Variants in ZIC1 observed in about 807,000 individuals in gnomAD.
ZIC1 encodes zinc finger protein ZIC 1.
A neutral mutation model predicts 30.9 loss-of-function variants in ZIC1; 4 were observed. The observed-to-expected ratio is 0.13, with a 90% CI of 0.06 to 0.30. The LOEUF is 0.30. Among genes scored for constraint, ZIC1 ranks in the 10% least tolerant of loss-of-function variants. ZIC1 has a pLI of 1.00. For synonymous variants in ZIC1, 305 were observed against 277.5 expected, an observed-to-expected ratio of 1.10 and a Z score of -0.98; for missense variants, 441 against 639.3, an observed-to-expected ratio of 0.69 and a Z score of 3.34.
rs779510485 is a variant in ZIC1, at chr3:147,413,821, A to G, written c.*270A>G. 4.0e-4 allele frequency: 129 copies of G among 323,422 alleles called. No individual in the cohort carries two copies. The highest frequency in any genetic ancestry group is 5.5e-4 in the Non-Finnish European group (99 of 180,732). The allele number at this position is 323,422 out of a possible 1,614,324, so 20.0% of individuals were successfully genotyped here. A position where few individuals can be genotyped will look rare whatever the true frequency, so the allele number is the denominator to read the frequency against. ...GGGTCGAGGGGGAGGAGGCCACCTG[A>G]CCAAATGCCGCCAACCCCGAGGGCC... On this transcript the variant is annotated 3_prime_UTR_variant, in exon 3 of 3. Transcript: ENST00000282928.
At chr3:147,412,773 C>T in intron 2 of ZIC1, 92 bp downstream of exon 2, 9 of 1,498,504 alleles carry the variant, frequency 6.0e-6, no homozygotes, top group Admixed American at 2.0e-5. Flanking sequence ...CAGGCGGTGG[C>T]GGGAGCCAGA....
chr3:147,412,312 G>T (rs775043480), intron 1 of ZIC1, among the ~76,000 whole-genome samples: 3 of 152,118 alleles, frequency 2.0e-5, no homozygotes, highest in Non-Finnish European at 2.9e-5. Context: ...AGATCCAATT[G>T]TATTAGGGAT....
At position 147,409,819 on chromosome 3, in the gene ZIC1, C is replaced by T. The variant is rs2087346723; in HGVS notation, c.-294C>T. ...CGCGGCCCTCTCGGCAGAGACTGAG[C>T]GGCGAGAAAGTGCGAGCCGGGCCGG... is the stretch of plus-strand genomic sequence containing the variant. On this transcript the variant is annotated 5_prime_UTR_variant, in exon 1 of 3. Transcript: ENST00000282928. 1 of 446,226 alleles carries T rather than the reference C, an allele frequency of 2.2e-6. No individual in the cohort carries two copies. The highest frequency in any genetic ancestry group is 3.9e-5 in the South Asian group (1 of 25,778). 27.6% of individuals were successfully genotyped at this position (446,226 alleles called of 1,614,324 possible). A position where few individuals can be genotyped will look rare whatever the true frequency, so the allele number is the denominator to read the frequency against.
In ZIC1 at chr3:147,413,799, T is replaced by TC. The variant is rs2087405267; in HGVS notation, c.*249dup. The TC allele has an allele frequency of 5.2e-6, 2 of 387,516 alleles. No individual in the cohort carries two copies. Among genetic ancestry groups the TC allele is most frequent in the South Asian group, 1.2e-4 (2 of 16,352 alleles). 24.0% of individuals were successfully genotyped at this position (387,516 alleles called of 1,614,324 possible). A position where few individuals can be genotyped will look rare whatever the true frequency, so the allele number is the denominator to read the frequency against. Reference sequence around the variant, plus strand: ...TTGGTACCCAAGGTGCGGTAGGGGGTCGAGGGGGAGGAGGCCACCTGACCA... The same window carrying TC: ...TTGGTACCCAAGGTGCGGTAGGGGGTCCGAGGGGGAGGAGGCCACCTGACCA... On this transcript the variant is annotated 3_prime_UTR_variant, in exon 3 of 3. Transcript: ENST00000282928.
intron 1 of ZIC1, among the ~76,000 whole-genome samples, chr3:147,411,961 A>G (rs2087384051): frequency 6.6e-6 from 1 of 152,194 alleles, no homozygotes; most frequent in East Asian, 1.9e-4. Flanking sequence ...GAGATCTGAG[A>G]ACCATGCTTG....
chr3:147,410,049 T>C lies in ZIC1; in HGVS notation c.-64T>C. On this transcript the variant is annotated 5_prime_UTR_variant, in exon 1 of 3. Transcript: ENST00000282928. ...TTGTTCCTCCTCCTCCTCCCGATTT[T>C]CCCTCCTCGGCTGGCGAGGGTGGGG... The C allele has an allele frequency of 1.6e-6, 2 of 1,256,888 alleles. No homozygotes were observed. The highest frequency in any genetic ancestry group is 2.0e-6 in the Non-Finnish European group (2 of 1,005,438). The allele number at this position is 1,256,888 out of a possible 1,614,324, so 77.9% of individuals were successfully genotyped here.
rs1175045283 is a variant in ZIC1, at chr3:147,414,139, C to T, written c.*588C>T. The T allele has an allele frequency of 1.3e-5, 2 of 152,330 alleles. No homozygotes were observed. Among genetic ancestry groups the T allele is most frequent in the Non-Finnish European group, 1.5e-5 (1 of 67,994 alleles). The allele number at this position is 152,330 out of a possible 1,614,324, so 9.4% of individuals were successfully genotyped here. ...TAAATGTGTACCAAAATGTGAATTA[C>T]TTTGTACGATTACAGTCTCCACGTC... On this transcript the variant is annotated 3_prime_UTR_variant, in exon 3 of 3. Coordinates refer to ENST00000282928, the MANE Select transcript of ZIC1 (RefSeq NM_003412.4).
chr3:147,411,435 C>T (rs2087377212), intron 1 of ZIC1, among the ~76,000 whole-genome samples: 1 of 152,208 alleles, frequency 6.6e-6, no homozygotes. Flanking sequence ...GCGGAGGCGC[C>T]AGCTGCTCAG....
In ZIC1 at chr3:147,409,919, C is replaced by T. The variant is rs1022502527; in HGVS notation, c.-194C>T. On this transcript the variant is annotated 5_prime_UTR_variant, in exon 1 of 3. Coordinates refer to ENST00000282928, the MANE Select transcript of ZIC1 (RefSeq NM_003412.4). ...CCGTCCGGCTACTTTGCGTTTGGCC[C>T]GGCCAGCGCCCGGGCGCGCCGCGCC... 6.0e-5 allele frequency: 36 copies of T among 599,346 alleles called. No individual in the cohort carries two copies. Among genetic ancestry groups the T allele is most frequent in the Non-Finnish European group, 8.9e-5 (33 of 371,826 alleles). The allele number at this position is 599,346 out of a possible 1,614,324, so 37.1% of individuals were successfully genotyped here. A position where few individuals can be genotyped will look rare whatever the true frequency, so the allele number is the denominator to read the frequency against.
chr3:147,412,772 G>A, intron 2 of ZIC1, 91 bp downstream of exon 2: 1 of 1,506,092 alleles, frequency 6.6e-7, no homozygotes, highest in African/African-American at 1.4e-5. Flanking sequence ...ACAGGCGGTG[G>A]CGGGAGCCAG....
intron 1 of ZIC1, among the ~76,000 whole-genome samples, chr3:147,412,126 A>C (rs1299096228): frequency 6.6e-6 from 1 of 151,626 alleles, no homozygotes; most frequent in Non-Finnish European, 1.5e-5. Flanking sequence ...GGGCAGGGGG[A>C]GGAGAGAAAA....
rs964085040 is a variant in ZIC1 at position 147,410,301 on chromosome 3, C to T, written c.189C>T (p.Ala63=). Residue 63 remains alanine, a synonymous_variant, in exon 1 of 3, where the codon GCC becomes GCT. Transcript: ENST00000282928. ...AGCTGGCTTCGGCCGGCCAGACGGC[C>T]TTCACGTCGCAGGCGCCAGGCTACG... ...SHELASAGQT[A]FTSQAPGYAA... 6.3e-7 allele frequency: 1 copy of T among 1,599,896 alleles called. No individual in the cohort carries two copies. Among genetic ancestry groups the T allele is most frequent in the African/African-American group, 1.3e-5 (1 of 75,006 alleles).
At position 147,416,423 on chromosome 3, in the gene ZIC1, C is replaced by T. The variant is rs1275736848; in HGVS notation, c.*2872C>T. ...CATTCCTATTCCTAGATGTAGTTTA[C>T]CTCAAATTGGGAATTATAACTGTCT... On this transcript the variant is annotated 3_prime_UTR_variant, in exon 3 of 3. Transcript: ENST00000282928. The T allele has an allele frequency of 6.6e-6, 1 of 152,146 alleles. No homozygotes were observed. The highest frequency in any genetic ancestry group is 1.5e-5 in the Non-Finnish European group (1 of 68,036). The allele number at this position is 152,146 out of a possible 1,614,324, so 9.4% of individuals were successfully genotyped here.
At chr3:147,412,766 G>A in intron 2 of ZIC1, 85 bp downstream of exon 2, 1 of 1,522,762 alleles carries the variant, frequency 6.6e-7, no homozygotes, top group Non-Finnish European at 8.9e-7. Context: ...TGGCAGACAG[G>A]CGGTGGCGGG....
At position 147,411,109 on chromosome 3, in the gene ZIC1, G is replaced by A. The variant is rs765104946; in HGVS notation, c.982+15G>A. 6 of 1,604,008 alleles carry A rather than the reference G, an allele frequency of 3.7e-6. No individual in the cohort carries two copies. The East Asian group carries it at 1.1e-4, about 30-fold the overall frequency. On this transcript the variant is annotated intron_variant, in intron 1 of 2. Transcript: ENST00000282928. ...GACGCACACAGGTACGGAAACAGCT[G>A]TAGGACCCCTACCCATTCCCACTTG...
chr3:147,413,237 C>T (rs2087397725), intron 2 of ZIC1, 117 bp from the exon 3 acceptor site: 1 of 1,100,164 alleles, frequency 9.1e-7, no homozygotes, highest in Admixed American at 2.6e-5. Flanking sequence ...TCGGGCCTCA[C>T]CTGTGTTCAG....
rs2087356191 is a variant in ZIC1 at position 147,410,253 on chromosome 3, C to T, written c.141C>T (p.Phe47=). 1 of 1,601,114 alleles carries T rather than the reference C, an allele frequency of 6.2e-7. No individual in the cohort carries two copies. Among genetic ancestry groups the T allele is most frequent in the East Asian group, 2.2e-5 (1 of 44,834 alleles). ...INPFADGMGA[F]KLNPSSHELA... Reference sequence around the variant, plus strand: ...CGTTCGCCGACGGCATGGGCGCCTTCAAGCTCAACCCCAGTTCGCACGAGC... The same window carrying T: ...CGTTCGCCGACGGCATGGGCGCCTTTAAGCTCAACCCCAGTTCGCACGAGC... Residue 47 remains phenylalanine, a synonymous_variant, in exon 1 of 3, where the codon TTC becomes TTT. Transcript: ENST00000282928.
At chr3:147,412,373 T>C (rs894987648) in intron 1 of ZIC1, 145 bp from the exon 2 acceptor site, 3 of 843,722 alleles carry the variant, frequency 3.6e-6, no homozygotes, top group Non-Finnish European at 5.6e-6. Context: ...AAGAATTTAT[T>C]GACGTTCCGG....
At position 147,413,668 on chromosome 3, in the gene ZIC1, C is replaced by CT. The variant is rs869215020; in HGVS notation, c.*123dup. 14 of 1,235,414 alleles carry CT rather than the reference C, an allele frequency of 1.1e-5. No homozygotes were observed. Among genetic ancestry groups the CT allele is most frequent in the African/African-American group, 1.5e-5 (1 of 64,642 alleles). The allele number at this position is 1,235,414 out of a possible 1,614,324, so 76.5% of individuals were successfully genotyped here. On this transcript the variant is annotated 3_prime_UTR_variant, in exon 3 of 3. Coordinates refer to ENST00000282928, the MANE Select transcript of ZIC1 (RefSeq NM_003412.4). ...CAACCCCCACACAGACCCCGCAATC[C>CT]TTTTTTAAAAAATCTGCCAATAGAC...
Sources: allele counts gnomAD v4.1 joint callset (sites outside exome capture counted in the v4.1 genomes callset), GRCh38; gene constraint gnomAD v4.1.1; transcripts MANE v1.5; gene names NCBI Gene and HGNC (gene_info 2026-07-23, HGNC 2026-07-21).